The following AGTPBP1 variants were observed in gnomAD, a reference collection of about 807,000 sequenced individuals.
AGTPBP1 encodes the protein cytosolic carboxypeptidase 1.
A neutral mutation model predicts 143.9 loss-of-function variants in AGTPBP1; 70 were observed. That is an observed-to-expected ratio of 0.49 (90% CI 0.40 to 0.59). The LOEUF is 0.59. Among genes scored for constraint, AGTPBP1 ranks in the 20% least tolerant of loss-of-function variants. AGTPBP1 has a pLI of 0.00. For missense variants in AGTPBP1, 1,229 were observed against 1,464.5 expected (o/e 0.84, Z 2.62); for synonymous variants, 463 against 500.2 (o/e 0.93, Z 0.99).
At chr9:85,595,328 T>C (rs1392106019) in intron 18 of AGTPBP1, among the ~76,000 whole-genome samples, 3 of 152,126 alleles carry the variant, frequency 2.0e-5, no homozygotes, top group African/African-American at 4.8e-5. Flanking sequence ...CATACAGAAA[T>C]GTCAGGATTG....
chr9:85,681,311 G>C lies in AGTPBP1; in HGVS notation c.182C>G (p.Ala61Gly). The C allele has an allele frequency of 6.2e-7, 1 of 1,611,542 alleles. No homozygotes were observed. The highest frequency in any genetic ancestry group is 8.5e-7 in the Non-Finnish European group (1 of 1,179,444). Residue 61 changes from alanine (A) to glycine (G), a missense_variant, in exon 4 of 26, where the codon GCC becomes GGC. Ala to Gly is a moderately conservative substitution (Grantham distance 60). Coordinates refer to ENST00000357081, the MANE Select transcript of AGTPBP1 (RefSeq NM_001330701.2). ...SQEKTRREMT[A>G]KGSTGMEILL... ...AATTTCCATTCCTGTAGAACCTTTG[G>C]CTGTCATTTCTCTCCTTGTTTTTTC...
intron 17 of AGTPBP1, among the ~76,000 whole-genome samples, chr9:85,603,809 G>GGT (rs1055383160): frequency 1.3e-5 from 2 of 152,174 alleles, no homozygotes; most frequent in African/African-American, 2.4e-5. Flanking sequence ...TGACTGAAGA[G>GGT]ACCTTGTGCT....
intron 1 of AGTPBP1, among the ~76,000 whole-genome samples, chr9:85,717,319 T>C (rs951968338): frequency 3.9e-5 from 6 of 152,082 alleles, no homozygotes; most frequent in Non-Finnish European, 8.8e-5. Context: ...GCCTGGGCAA[T>C]ATAGCAAGAG....
At chr9:85,672,391 ACT>A (rs1233903282) in intron 7 of AGTPBP1, among the ~76,000 whole-genome samples, 157 bp downstream of exon 7, 1 of 151,884 alleles carries the variant, frequency 6.6e-6, no homozygotes, top group African/African-American at 2.4e-5. Context: ...ACCCCACATC[ACT>A]TTTGTTGTGG....
At chr9:85,668,775 ACT>A (rs1209811634) in intron 8 of AGTPBP1, among the ~76,000 whole-genome samples, 1 of 151,560 alleles carries the variant, frequency 6.6e-6, no homozygotes, top group African/African-American at 2.4e-5. Flanking sequence ...AATTAATATA[ACT>A]CAATATAATC....
At chr9:85,688,096 TAAAAAAA>T (rs58523894) in intron 3 of AGTPBP1, among the ~76,000 whole-genome samples, 32 of 34,684 alleles carry the variant, frequency 9.2e-4, no homozygotes, top group East Asian at 1.1e-3. Flanking sequence ...GTCTCAAAAT[TAAAAAAA>T]AAAAAAAAAA....
intron 2 of AGTPBP1, among the ~76,000 whole-genome samples, chr9:85,694,468 G>C (rs972523177): frequency 6.6e-6 from 1 of 152,148 alleles, no homozygotes; most frequent in Non-Finnish European, 1.5e-5. Flanking sequence ...TCTGAACTCT[G>C]AGATCTCCCA....
chr9:85,565,546 GCA>G (rs1276724148), intron 25 of AGTPBP1, among the ~76,000 whole-genome samples: 1 of 152,040 alleles, frequency 6.6e-6, no homozygotes, highest in African/African-American at 2.4e-5. Context: ...ATCCAGAAGA[GCA>G]CAGACAATAA....
At chr9:85,660,395 A>AT (rs1158222264) in intron 9 of AGTPBP1, among the ~76,000 whole-genome samples, 1 of 152,212 alleles carries the variant, frequency 6.6e-6, no homozygotes, top group Non-Finnish European at 1.5e-5. Context: ...CTCCAAAAGC[A>AT]TAAGACATAT....
At chr9:85,614,480 C>CAACAA (rs1308226270) in intron 17 of AGTPBP1, among the ~76,000 whole-genome samples, 4 of 151,860 alleles carry the variant, frequency 2.6e-5, no homozygotes, top group Admixed American at 2.6e-4. Context: ...AAACTTGAAT[C>CAACAA]AACAAAACAA....
the AGTPBP1 span, among the ~76,000 whole-genome samples, chr9:85,795,268 GTC>G: frequency 6.6e-6 from 1 of 152,134 alleles, no homozygotes; most frequent in Non-Finnish European, 1.5e-5. Flanking sequence ...AGCAACCCAT[GTC>G]TCTCTGTATC....
rs568454426 is a variant in AGTPBP1, at chr9:85,741,719, C to T, written c.-34+56G>A. On this transcript the variant is annotated intron_variant, in intron 1 of 25. Coordinates refer to ENST00000357081, the MANE Select transcript of AGTPBP1 (RefSeq NM_001330701.2). ...GCCGTCGCTCGCATCTCCCGCGGCC[C>T]GGGGAGAGCAGAGGGACGGCCGGCC... 778 of 1,271,550 alleles carry T rather than the reference C, an allele frequency of 6.1e-4. 4 individuals are homozygous for T. The African/African-American group carries it at 0.01, about 17-fold the overall frequency. The allele number at this position is 1,271,550 out of a possible 1,614,324, so 78.8% of individuals were successfully genotyped here. A position where few individuals can be genotyped will look rare whatever the true frequency, so the allele number is the denominator to read the frequency against.
chr9:85,692,865 C>G (rs748552175), intron 2 of AGTPBP1, 52 bp from the exon 3 acceptor site: 1 of 1,582,868 alleles, frequency 6.3e-7, no homozygotes, highest in South Asian at 1.1e-5. Flanking sequence ...GGTGTAAATT[C>G]AATACTATAA....
chr9:85,682,436 G>A (rs572432490), intron 3 of AGTPBP1, among the ~76,000 whole-genome samples: 90 of 152,214 alleles, frequency 5.9e-4, no homozygotes, highest in African/African-American at 2.0e-3. Context: ...TGTACAAGTC[G>A]CTGAGCAAAC....
At chr9:85,650,173 A>C (rs557521024) in intron 11 of AGTPBP1, among the ~76,000 whole-genome samples, 1 of 151,452 alleles carries the variant, frequency 6.6e-6, no homozygotes, top group East Asian at 1.9e-4. Context: ...TTGCATATTC[A>C]ATTTCAAATT....
the AGTPBP1 span, among the ~76,000 whole-genome samples, chr9:85,800,427 G>T: frequency 6.6e-6 from 1 of 152,204 alleles, no homozygotes; most frequent in Non-Finnish European, 1.5e-5. Flanking sequence ...AGCTGAAGTA[G>T]TCACTTTGGC....
At chr9:85,720,649 C>G (rs376183612) in intron 1 of AGTPBP1, among the ~76,000 whole-genome samples, 47 of 150,598 alleles carry the variant, frequency 3.1e-4, no homozygotes, top group African/African-American at 5.4e-4. Flanking sequence ...TTTTTTGTGT[C>G]TCTCTCTCTC....
intron 2 of AGTPBP1, among the ~76,000 whole-genome samples, chr9:85,703,631 G>C: frequency 6.6e-6 from 1 of 152,206 alleles, no homozygotes; most frequent in Non-Finnish European, 1.5e-5. Flanking sequence ...AGGATGAAAA[G>C]ATTTGCAAAG....
intron 12 of AGTPBP1, 99 bp from the exon 13 acceptor site, chr9:85,643,042 G>T: frequency 1.3e-6 from 1 of 746,426 alleles, no homozygotes; most frequent in Non-Finnish European, 2.2e-6. Context: ...TTAATTACAT[G>T]TAATTAAAGA....
Sources: gnomAD v4.1 joint callset for allele counts (sites outside exome capture counted in the v4.1 genomes callset) on GRCh38, gnomAD v4.1.1 for gene constraint, MANE v1.5 for transcripts, NCBI Gene and HGNC (gene_info 2026-07-23, HGNC 2026-07-21) for gene names.